ROBO1: variants seen among roughly 807,000 people sequenced by gnomAD.
ROBO1 encodes the protein roundabout guidance receptor 1.
Under a neutral mutation model 195.9 loss-of-function variants are expected in ROBO1, and 149 were observed. That is an observed-to-expected ratio of 0.76 (90% CI 0.67 to 0.87). The LOEUF is 0.87. Ranked by LOEUF, ROBO1 falls within the 40% of genes least tolerant of loss-of-function variation. The pLI is 0.00. For missense variants in ROBO1, 1,933 were observed against 2,068.3 expected, an observed-to-expected ratio of 0.93 and a Z score of 1.27; for synonymous variants, 816 against 733.2, an observed-to-expected ratio of 1.11 and a Z score of -1.82.
intron 3 of ROBO1, among the ~76,000 whole-genome samples, chr3:79,089,600 A>G (rs1053923391): frequency 6.6e-6 from 1 of 152,164 alleles, no homozygotes; most frequent in Non-Finnish European, 1.5e-5. Flanking sequence ...TCATAACTTG[A>G]TAATTATCAG....
chr3:79,351,771 C>T (rs906373394), intron 2 of ROBO1, among the ~76,000 whole-genome samples: 1 of 151,964 alleles, frequency 6.6e-6, no homozygotes, highest in Non-Finnish European at 1.5e-5. Flanking sequence ...ATGAAAAGAT[C>T]TGATTTTCTT....
chr3:78,851,421 C>A (rs1226973985), intron 4 of ROBO1, among the ~76,000 whole-genome samples: 1 of 152,170 alleles, frequency 6.6e-6, no homozygotes, highest in Admixed American at 6.5e-5. Context: ...AGTTACCAGT[C>A]CTTATGGCAT....
chr3:79,521,511 T>C (rs149049799), intron 2 of ROBO1, among the ~76,000 whole-genome samples: 2 of 152,268 alleles, frequency 1.3e-5, no homozygotes, highest in African/African-American at 4.8e-5. Flanking sequence ...AAAAATGCTA[T>C]AATAGGTGTG....
chr3:78,657,436 C>G (rs1389103509), intron 17 of ROBO1, among the ~76,000 whole-genome samples, 167 bp from the exon 18 acceptor site: 3 of 152,118 alleles, frequency 2.0e-5, no homozygotes, highest in Admixed American at 1.3e-4. Context: ...TATGAACAAT[C>G]TTCTGGTCAA....
intron 4 of ROBO1, among the ~76,000 whole-genome samples, chr3:78,781,556 G>A (rs2108484312): frequency 6.6e-6 from 1 of 152,148 alleles, no homozygotes; most frequent in Non-Finnish European, 1.5e-5. Context: ...TCTTATCCTT[G>A]ACTGCACACT....
intron 2 of ROBO1, among the ~76,000 whole-genome samples, chr3:79,544,258 T>C (rs1942181993): frequency 2.0e-5 from 3 of 151,958 alleles, no homozygotes; most frequent in Non-Finnish European, 4.4e-5. Context: ...TTAATATATA[T>C]ATTTTCTAGG....
chr3:78,847,490 C>T (rs1264273607), intron 4 of ROBO1, among the ~76,000 whole-genome samples: 3 of 152,088 alleles, frequency 2.0e-5, no homozygotes. Flanking sequence ...AACATGCCTC[C>T]AGGAACCTGT....
intron 1 of ROBO1, among the ~76,000 whole-genome samples, chr3:79,703,254 T>C (rs1224288475): frequency 6.6e-6 from 1 of 151,806 alleles, no homozygotes; most frequent in Non-Finnish European, 1.5e-5. Flanking sequence ...CTATCATAAT[T>C]AGTATCCATT....
At chr3:79,134,989 GTAAC>G (rs2080373085) in intron 2 of ROBO1, among the ~76,000 whole-genome samples, 1 of 146,900 alleles carries the variant, frequency 6.8e-6, no homozygotes, top group African/African-American at 2.5e-5. Flanking sequence ...GTATACATAT[GTAAC>G]TAACCTGCAC....
chr3:78,947,264 T>G (rs2040499467), intron 3 of ROBO1, among the ~76,000 whole-genome samples: 1 of 152,078 alleles, frequency 6.6e-6, no homozygotes, highest in Non-Finnish European at 1.5e-5. Flanking sequence ...ACTGACCACA[T>G]AGTAGGAAGT....
intron 1 of ROBO1, among the ~76,000 whole-genome samples, chr3:79,630,058 A>G (rs1945292798): frequency 1.3e-5 from 2 of 152,182 alleles, no homozygotes; most frequent in African/African-American, 4.8e-5. Flanking sequence ...CAAGATATAC[A>G]ATAAGAGTTA....
intron 3 of ROBO1, among the ~76,000 whole-genome samples, chr3:79,112,540 A>G (rs957501711): frequency 1.3e-5 from 2 of 152,110 alleles, no homozygotes; most frequent in Admixed American, 1.3e-4. Context: ...TGGTTTAGAG[A>G]TTATTACTTC....
chr3:79,655,180 C>T (rs1182153179), intron 1 of ROBO1, among the ~76,000 whole-genome samples: 1 of 151,792 alleles, frequency 6.6e-6, no homozygotes, highest in African/African-American at 2.4e-5. Context: ...TCAAGTGAAC[C>T]TCATGATATT....
intron 2 of ROBO1, among the ~76,000 whole-genome samples, chr3:79,304,322 A>C (rs909237365): frequency 2.0e-5 from 3 of 152,174 alleles, no homozygotes; most frequent in Non-Finnish European, 4.4e-5. Flanking sequence ...AAATGTCAGG[A>C]ATTCACATAA....
intron 4 of ROBO1, among the ~76,000 whole-genome samples, chr3:78,850,364 A>G (rs1027575433): frequency 3.3e-5 from 5 of 152,248 alleles, no homozygotes; most frequent in Non-Finnish European, 5.9e-5. Context: ...TCTATATTTT[A>G]AAATTTCTCA....
At chr3:79,481,897 A>AT (rs1938881406) in intron 2 of ROBO1, among the ~76,000 whole-genome samples, 1 of 152,182 alleles carries the variant, frequency 6.6e-6, no homozygotes, top group African/African-American at 2.4e-5. Flanking sequence ...GAAACAAGAG[A>AT]TTTACAGAAA....
intron 24 of ROBO1, among the ~76,000 whole-genome samples, chr3:78,633,490 T>C (rs978511766): frequency 3.9e-5 from 6 of 152,162 alleles, no homozygotes; most frequent in Non-Finnish European, 8.8e-5. Context: ...AGGCTCCTAT[T>C]GTACCTGAAT....
chr3:79,272,515 G>C (rs538495139), intron 2 of ROBO1, among the ~76,000 whole-genome samples: 52 of 152,040 alleles, frequency 3.4e-4, no homozygotes, highest in Non-Finnish European at 6.2e-4. Flanking sequence ...GCACTGAAGA[G>C]GGTAGAAAAG....
chr3:79,351,826 G>C (rs1156446533), intron 2 of ROBO1, among the ~76,000 whole-genome samples: 1 of 151,728 alleles, frequency 6.6e-6, no homozygotes, highest in Non-Finnish European at 1.5e-5. Context: ...CCAACTTCTG[G>C]GAAATTAAAA....
Sources: gnomAD v4.1 joint callset for allele counts (sites outside exome capture counted in the v4.1 genomes callset) on GRCh38, gnomAD v4.1.1 for gene constraint, MANE v1.5 for transcripts, NCBI Gene and HGNC (gene_info 2026-07-23, HGNC 2026-07-21) for gene names.